Variants in ANAPC1 observed in about 807,000 individuals in gnomAD.
ANAPC1 encodes the protein anaphase promoting complex subunit 1.
In ANAPC1, 36 loss-of-function variants were observed where a neutral mutation model predicts 208.0. The observed-to-expected ratio is 0.17, with a 90% CI of 0.13 to 0.23. The LOEUF (loss-of-function observed/expected upper bound fraction) is 0.23, where lower values mean the gene tolerates loss of function less well. Among genes scored for constraint, ANAPC1 ranks in the 10% least tolerant of loss-of-function variants. The probability of loss-of-function intolerance (pLI) is 1.00; values close to 1 mark genes in which losing one functional copy is unlikely to be tolerated. For synonymous variants in ANAPC1, 378 were observed against 695.2 expected (o/e 0.54, Z 7.18); for missense variants, 942 against 2,011.6 (o/e 0.47, Z 10.17).
intron 34 of ANAPC1, among the ~76,000 whole-genome samples, chr2:111,799,266 A>G (rs1487799036): frequency 6.6e-6 from 1 of 151,766 alleles, no homozygotes; most frequent in African/African-American, 2.4e-5. Flanking sequence ...TTACGTATTC[A>G]TCAGCAGCAC....
At chr2:111,810,228 C>T (rs2686028) in intron 28 of ANAPC1, among the ~76,000 whole-genome samples, 3 of 146,904 alleles carry the variant, frequency 2.0e-5, no homozygotes, top group Non-Finnish European at 4.4e-5. Context: ...ACTCCGTTCA[C>T]ATGAAAGGTC....
At position 111,850,965 on chromosome 2, in the gene ANAPC1, C is replaced by T. The variant is rs1215899682; in HGVS notation, c.1516-55G>A. 8 of 1,557,740 alleles carry T rather than the reference C, an allele frequency of 5.1e-6. No homozygotes were observed. In the African/African-American group the frequency reaches 7.0e-5, roughly 14 times the overall value. On this transcript the variant is annotated intron_variant, in intron 13 of 47. Transcript: ENST00000341068. ...AAATATTGCCTTTAATGCATCATAT[C>T]CTTAAATAAAATGTTAAGGAATATA... is the stretch of plus-strand genomic sequence containing the variant.
intron 6 of ANAPC1, among the ~76,000 whole-genome samples, chr2:111,870,727 G>A (rs1000238025): frequency 6.6e-6 from 1 of 152,018 alleles, no homozygotes; most frequent in African/African-American, 2.4e-5. Flanking sequence ...TATTGTTTTT[G>A]TTGCATTTGC....
chr2:111,855,225 G>C (rs1681634747), intron 13 of ANAPC1, among the ~76,000 whole-genome samples: 1 of 152,172 alleles, frequency 6.6e-6, no homozygotes, highest in Non-Finnish European at 1.5e-5. Context: ...CATCTTATAT[G>C]GGTACAGTTC....
At chr2:111,845,750 G>A (rs1681019082) in intron 16 of ANAPC1, among the ~76,000 whole-genome samples, 1 of 152,236 alleles carries the variant, frequency 6.6e-6, no homozygotes, top group African/African-American at 2.4e-5. Flanking sequence ...CGAGGCAGGT[G>A]AATCACGAGG....
chr2:111,855,852 A>T (rs1390552056), intron 13 of ANAPC1, among the ~76,000 whole-genome samples: 1 of 151,942 alleles, frequency 6.6e-6, no homozygotes, highest in African/African-American at 2.4e-5. Flanking sequence ...TATTCACTTC[A>T]TTATTATTAT....
At chr2:111,852,096 T>G (rs1256313083) in intron 13 of ANAPC1, among the ~76,000 whole-genome samples, 1 of 150,290 alleles carries the variant, frequency 6.7e-6, no homozygotes, top group Non-Finnish European at 1.5e-5. Flanking sequence ...TTAAAAGCTA[T>G]CTCAAACCCC....
In ANAPC1 at chr2:111,831,425, C is replaced by A; in HGVS notation, c.2486G>T (p.Gly829Val). Residue 829 changes from glycine (G) to valine (V), a missense_variant, in exon 21 of 48, where the codon GGA becomes GTA. Physicochemically the swap from Gly to Val is moderately radical, Grantham distance 109. Coordinates refer to ENST00000341068, the MANE Select transcript of ANAPC1 (RefSeq NM_022662.4). ...QVCTIDPGQTGFMHHPSFFTS... is the reference protein window; with the variant it reads ...QVCTIDPGQTVFMHHPSFFTS... The stretch of plus-strand genomic sequence containing the variant: ...AAAAAATGATGGATGATGCATAAAT[C>A]CTGTTTGACCTTTAAAATTAGATAA... 6.3e-7 allele frequency: 1 copy of A among 1,593,570 alleles called. No individual in the cohort carries two copies. The highest frequency in any genetic ancestry group is 8.5e-7 in the Non-Finnish European group (1 of 1,170,170).
chr2:111,848,056 G>A (rs945994064), intron 14 of ANAPC1, among the ~76,000 whole-genome samples, 191 bp from the exon 15 acceptor site: 1 of 151,648 alleles, frequency 6.6e-6, no homozygotes, highest in Admixed American at 6.6e-5. Flanking sequence ...ACTGAGACAG[G>A]AGAATCACTT....
intron 1 of ANAPC1, among the ~76,000 whole-genome samples, chr2:111,882,692 G>A (rs556213937): frequency 1.3e-5 from 2 of 149,774 alleles, no homozygotes; most frequent in African/African-American, 4.9e-5. Context: ...AGCCGAGATC[G>A]CGCCATTGTA....
chr2:111,880,074 A>G (rs969495217), intron 2 of ANAPC1, among the ~76,000 whole-genome samples: 31 of 152,032 alleles, frequency 2.0e-4, no homozygotes, highest in African/African-American at 7.0e-4. Context: ...CCTGACTCAC[A>G]TTATAACACC....
At chr2:111,790,185 A>G (rs1156326101) in intron 38 of ANAPC1, among the ~76,000 whole-genome samples, 2 of 151,966 alleles carry the variant, frequency 1.3e-5, no homozygotes, top group Non-Finnish European at 2.9e-5. Flanking sequence ...TATTCACAGA[A>G]TGGAAGACAA....
chr2:111,860,330 G>A, intron 10 of ANAPC1, among the ~76,000 whole-genome samples: 1 of 150,380 alleles, frequency 6.6e-6, no homozygotes, highest in Non-Finnish European at 1.5e-5. Context: ...AAATACTGGG[G>A]CAAGATGTCA....
intron 1 of ANAPC1, among the ~76,000 whole-genome samples, chr2:111,882,772 A>C: frequency 6.6e-6 from 1 of 152,018 alleles, no homozygotes; most frequent in Non-Finnish European, 1.5e-5. Flanking sequence ...TCTGGATATA[A>C]TTATGTCACA....
chr2:111,851,043 GA>G, intron 13 of ANAPC1, 133 bp from the exon 14 acceptor site: 1 of 1,088,060 alleles, frequency 9.2e-7, no homozygotes, highest in South Asian at 1.8e-5. Context: ...ACACAGCAAA[GA>G]AACAATTCAA....
Position 111,834,654 on chromosome 2 carries a change from T to C in ANAPC1, c.2334A>G (p.Leu778=). ...CAAGTGAACAAATTCCTTCTCCCAT[T>C]AGAGTATTCAACTTAAGCTCCTCAT... ...LVYEELKLNT[L]MGEGICSLVE... Residue 778 remains leucine, a synonymous_variant, in exon 19 of 48, where the codon CTA becomes CTG. Coordinates refer to ENST00000341068, the MANE Select transcript of ANAPC1 (RefSeq NM_022662.4). The C allele has an allele frequency of 6.2e-7, 1 of 1,612,680 alleles. No individual in the cohort carries two copies. The highest frequency in any genetic ancestry group is 8.5e-7 in the Non-Finnish European group (1 of 1,179,474).
At chr2:111,852,691 G>GT (rs1681470683) in intron 13 of ANAPC1, among the ~76,000 whole-genome samples, 1 of 151,914 alleles carries the variant, frequency 6.6e-6, no homozygotes, top group Admixed American at 6.6e-5. Context: ...CTCGTATCCT[G>GT]TTTTTGTACA....
chr2:111,791,427 A>G (rs1025650045), intron 38 of ANAPC1, among the ~76,000 whole-genome samples: 18 of 150,024 alleles, frequency 1.2e-4, no homozygotes, highest in African/African-American at 4.4e-4. Flanking sequence ...AATTCCACAC[A>G]GTTCTATATA....
intron 18 of ANAPC1, among the ~76,000 whole-genome samples, chr2:111,836,457 A>G (rs1471456122): frequency 1.3e-5 from 2 of 151,278 alleles, no homozygotes; most frequent in Admixed American, 1.3e-4. Context: ...CCTGGGCAAC[A>G]TATTATAGTA....
Sources: gnomAD v4.1 joint callset for allele counts (sites outside exome capture counted in the v4.1 genomes callset) on GRCh38, gnomAD v4.1.1 for gene constraint, MANE v1.5 for transcripts, NCBI Gene and HGNC (gene_info 2026-07-23, HGNC 2026-07-21) for gene names.